NDUFS4: variants seen among roughly 807,000 people sequenced by gnomAD.
NDUFS4 encodes the protein NADH:ubiquinone oxidoreductase subunit S4.
NDUFS4 carries 28 observed loss-of-function variants against 24.3 expected under a neutral mutation model. The ratio of observed to expected loss-of-function variants is 1.15; its 90% CI spans 0.85 to 1.58. NDUFS4 has a LOEUF of 1.58. NDUFS4 is among the 40% of genes most tolerant of loss of function. The probability of loss-of-function intolerance (pLI) is 0.00; values close to 1 mark genes in which losing one functional copy is unlikely to be tolerated. For synonymous variants in NDUFS4, 93 were observed against 69.7 expected, an observed-to-expected ratio of 1.34 and a Z score of -1.67; for missense variants, 223 against 207.9, an observed-to-expected ratio of 1.07 and a Z score of -0.45.
At chr5:53,589,595 G>A (rs146873578) in intron 1 of NDUFS4, among the ~76,000 whole-genome samples, 2 of 152,278 alleles carry the variant, frequency 1.3e-5, no homozygotes, top group East Asian at 3.9e-4. Context: ...ACGATTAGAA[G>A]GAGAATATGA....
chr5:53,563,672 T>G (rs923640750), intron 1 of NDUFS4, among the ~76,000 whole-genome samples: 16 of 152,036 alleles, frequency 1.1e-4, no homozygotes, highest in African/African-American at 3.9e-4. Flanking sequence ...CAGCTAATTT[T>G]TTTATTTTTA....
At chr5:53,659,763 C>G (rs1377920600) in intron 4 of NDUFS4, among the ~76,000 whole-genome samples, 1 of 152,092 alleles carries the variant, frequency 6.6e-6, no homozygotes, top group Admixed American at 6.5e-5. Flanking sequence ...AGGTTATAAT[C>G]TAACATATTT....
At chr5:53,601,068 G>C (rs1018113531) in intron 1 of NDUFS4, among the ~76,000 whole-genome samples, 7 of 148,062 alleles carry the variant, frequency 4.7e-5, no homozygotes, top group African/African-American at 1.8e-4. Context: ...GCAGTGGCGC[G>C]ATCTCAGCTC....
chr5:53,654,563 C>T (rs1437404520), intron 3 of NDUFS4, among the ~76,000 whole-genome samples: 1 of 151,914 alleles, frequency 6.6e-6, no homozygotes, highest in Non-Finnish European at 1.5e-5. Context: ...TGTATATCTC[C>T]TATTTGCAGA....
Position 53,582,174 on chromosome 5 carries a change from GCACTC to G in NDUFS4, c.99-21275_99-21271del, listed in dbSNP as rs376464128. ...TGCAGTGAGCCGAGATCGCGCCACT[GCACTC>G]CAGCCTGAGCAACAGAGTGAGACTC... On this transcript the variant is annotated intron_variant, in intron 1 of 4. Coordinates refer to ENST00000296684, the MANE Select transcript of NDUFS4 (RefSeq NM_002495.4). Among the ~76,000 whole-genome samples, 1,097 of 151,024 alleles carry G rather than the reference GCACTC, an allele frequency of 7.3e-3. 11 individuals carry two copies. The highest frequency in any genetic ancestry group is 0.025 in the African/African-American group (1,047 of 41,116).
chr5:53,571,919 G>C (rs772272062), intron 1 of NDUFS4, among the ~76,000 whole-genome samples: 2 of 152,016 alleles, frequency 1.3e-5, no homozygotes, highest in Non-Finnish European at 2.9e-5. Flanking sequence ...AAATATTCTG[G>C]ATACAAATTC....
intron 1 of NDUFS4, among the ~76,000 whole-genome samples, chr5:53,561,880 ATTAG>A (rs1333717140): frequency 1.3e-5 from 2 of 152,232 alleles, no homozygotes; most frequent in Admixed American, 1.3e-4. Context: ...GCTTGAAAGC[ATTAG>A]TTAAACGATT....
chr5:53,682,652 C>T (rs565964282), intron 4 of NDUFS4, among the ~76,000 whole-genome samples: 2 of 152,210 alleles, frequency 1.3e-5, no homozygotes, highest in East Asian at 1.9e-4. Context: ...TGCACCCATA[C>T]ACACGTACAT....
At position 53,566,376 on chromosome 5, in the gene NDUFS4, A is replaced by C. The variant is rs142165438; in HGVS notation, c.98+5616A>C. On this transcript the variant is annotated intron_variant, in intron 1 of 4. Transcript: ENST00000296684. ...TAGAAGTTGAGAATCGTTTATTCCA[A>C]GCAAAATTAATTCCAAGTAGCATTT... Among the ~76,000 whole-genome samples the C allele has an allele frequency of 2.1e-3, 321 of 152,328 alleles. 1 individual carries two copies. The highest frequency in any genetic ancestry group is 7.5e-3 in the African/African-American group (312 of 41,578).
intron 1 of NDUFS4, among the ~76,000 whole-genome samples, 197 bp downstream of exon 1, chr5:53,560,957 C>G (rs1266269610): frequency 6.6e-6 from 1 of 152,094 alleles, no homozygotes; most frequent in African/African-American, 2.4e-5. Flanking sequence ...AGTGCGAGGC[C>G]GGGGAGGAGG....
chr5:53,564,199 T>C (rs1748947357), intron 1 of NDUFS4, among the ~76,000 whole-genome samples: 1 of 152,174 alleles, frequency 6.6e-6, no homozygotes, highest in Non-Finnish European at 1.5e-5. Flanking sequence ...GAGTCTTCAA[T>C]TCGATGGGGA....
chr5:53,629,094 G>T (rs192310185), intron 2 of NDUFS4, among the ~76,000 whole-genome samples: 2 of 152,112 alleles, frequency 1.3e-5, no homozygotes, highest in African/African-American at 4.8e-5. Context: ...GTTCTCACTG[G>T]TTTCAAAGAA....
chr5:53,629,328 T>C (rs1385754659), intron 2 of NDUFS4, among the ~76,000 whole-genome samples: 1 of 152,186 alleles, frequency 6.6e-6, no homozygotes, highest in African/African-American at 2.4e-5. Flanking sequence ...ATAAGTGCGA[T>C]GTGGTGCTGA....
At chr5:53,656,456 A>G (rs1433862679) in intron 3 of NDUFS4, among the ~76,000 whole-genome samples, 2 of 152,118 alleles carry the variant, frequency 1.3e-5, no homozygotes, top group African/African-American at 4.8e-5. Flanking sequence ...GACTTCATGG[A>G]ATAGGTTGGT....
At chr5:53,647,327 A>T (rs1477327356) in intron 3 of NDUFS4, among the ~76,000 whole-genome samples, 3 of 151,992 alleles carry the variant, frequency 2.0e-5, no homozygotes, top group Non-Finnish European at 4.4e-5. Flanking sequence ...CGGTCCTCCC[A>T]CCTTAATCCC....
At chr5:53,666,195 A>G (rs1752507911) in intron 4 of NDUFS4, among the ~76,000 whole-genome samples, 1 of 152,172 alleles carries the variant, frequency 6.6e-6, no homozygotes, top group African/African-American at 2.4e-5. Context: ...TCAGCCTATT[A>G]TATTTCATGT....
intron 4 of NDUFS4, among the ~76,000 whole-genome samples, chr5:53,665,971 C>G (rs1752501827): frequency 6.6e-6 from 1 of 152,196 alleles, no homozygotes; most frequent in South Asian, 2.1e-4. Context: ...TTGGCTCCAC[C>G]TTAACTCTTA....
At chr5:53,572,769 C>T (rs1245000769) in intron 1 of NDUFS4, among the ~76,000 whole-genome samples, 1 of 151,574 alleles carries the variant, frequency 6.6e-6, no homozygotes, top group Non-Finnish European at 1.5e-5. Context: ...CTCAGCCTCC[C>T]AAGTAGCTGG....
chr5:53,673,125 A>G (rs1251195410), intron 4 of NDUFS4, among the ~76,000 whole-genome samples: 2 of 152,164 alleles, frequency 1.3e-5, no homozygotes, highest in Non-Finnish European at 1.5e-5. Context: ...TTCCCCAGGA[A>G]CTTACCATAT....
Sources: gnomAD v4.1 joint callset for allele counts (sites outside exome capture counted in the v4.1 genomes callset) on GRCh38, gnomAD v4.1.1 for gene constraint, MANE v1.5 for transcripts, NCBI Gene and HGNC (gene_info 2026-07-23, HGNC 2026-07-21) for gene names.